The following ADAMTSL1 variants were observed in gnomAD, a reference collection of about 807,000 sequenced individuals.
ADAMTSL1 encodes ADAMTS-like protein 1.
In ADAMTSL1, 126 loss-of-function variants were observed where a neutral mutation model predicts 201.8. That is an observed-to-expected ratio of 0.62 (90% confidence interval 0.54 to 0.72). The LOEUF (loss-of-function observed/expected upper bound fraction) is 0.72. Ranked by LOEUF, ADAMTSL1 falls within the 30% of genes least tolerant of loss-of-function variation. The probability of loss-of-function intolerance (pLI) is 0.00; values close to 1 mark genes in which losing one functional copy is unlikely to be tolerated. For missense variants in ADAMTSL1, 2,679 were observed against 2,277.8 expected (o/e 1.18, Z -3.59); for synonymous variants, 1,121 against 903.4 (o/e 1.24, Z -4.32).
At chr9:18,013,611 C>T (rs185607204) in intron 1 of ADAMTSL1, among the ~76,000 whole-genome samples, 10 of 152,148 alleles carry the variant, frequency 6.6e-5, no homozygotes, top group Non-Finnish European at 1.5e-4. Context: ...TGTAGTTTTT[C>T]TGTTTCTGGT....
In ADAMTSL1 at chr9:18,639,552, T is replaced by A. The variant is rs535373921; in HGVS notation, c.834+141T>A. On this transcript the variant is annotated intron_variant, in intron 7 of 28. Coordinates refer to ENST00000380548, the MANE Select transcript of ADAMTSL1 (RefSeq NM_001040272.6). ...ACCCAGGAAATGTTTAATCTGAGGG[T>A]GTTGAGCTAGCTGCATCCTGGACCT... The A allele has an allele frequency of 4.6e-5, 44 of 952,196 alleles. No homozygotes were observed. The East Asian group carries it at 1.2e-3, about 25-fold the overall frequency. 59.0% of individuals were successfully genotyped at this position (952,196 alleles called of 1,614,324 possible).
chr9:18,647,345 G>A (rs1397991845), intron 7 of ADAMTSL1, among the ~76,000 whole-genome samples: 1 of 140,880 alleles, frequency 7.1e-6, no homozygotes, highest in Non-Finnish European at 1.5e-5. Flanking sequence ...CCAGCTCCTG[G>A]ATTCATTAAT....
intron 2 of ADAMTSL1, among the ~76,000 whole-genome samples, chr9:18,449,573 T>A (rs962277388): frequency 1.1e-4 from 16 of 152,212 alleles, no homozygotes; most frequent in Admixed American, 3.9e-4. Context: ...AATGATATTA[T>A]CACATCCTGT....
At chr9:17,981,852 G>T (rs1317155350) in intron 1 of ADAMTSL1, among the ~76,000 whole-genome samples, 3 of 152,126 alleles carry the variant, frequency 2.0e-5, no homozygotes, top group African/African-American at 7.2e-5. Context: ...TGCTTAGTTT[G>T]GGGTTGCCCT....
chr9:18,350,470 G>A lies in ADAMTSL1; in HGVS notation c.208-154359G>A, dbSNP rs1835918415. 2.0e-5 allele frequency among the ~76,000 whole-genome samples: 3 copies of A among 152,050 alleles called. 1 individual carries two copies. The highest frequency in any genetic ancestry group is 4.8e-5 in the African/African-American group (2 of 41,402). ...CCCCAAGTTTGAGATAATTGTGAAG[G>A]TGAATTGGCTGCATATTGAGAAGGG... On this transcript the variant is annotated intron_variant, in intron 2 of 29. Coordinates refer to the ADAMTSL1 transcript ENST00000680146.
intron 23 of ADAMTSL1, among the ~76,000 whole-genome samples, chr9:18,842,439 A>T (rs1311222266): frequency 6.6e-6 from 1 of 152,080 alleles, no homozygotes; most frequent in Non-Finnish European, 1.5e-5. Context: ...ACATTTGCTG[A>T]GGAGAGCTTT....
At chr9:18,643,233 G>A (rs12380512) in intron 7 of ADAMTSL1, among the ~76,000 whole-genome samples, 31,278 of 151,930 alleles carry the variant, frequency 0.21, 3,403 homozygotes, top group Non-Finnish European at 0.24. Context: ...CTTGAGAAAA[G>A]TCTATTCAGA....
chr9:18,660,578 G>A (rs558109303), intron 8 of ADAMTSL1, among the ~76,000 whole-genome samples: 1 of 152,204 alleles, frequency 6.6e-6, no homozygotes, highest in East Asian at 1.9e-4. Context: ...GATAAATTCT[G>A]TCCCTGTGTA....
At chr9:18,756,118 T>TATATATATATATATATATAC (rs1819745985) in intron 16 of ADAMTSL1, among the ~76,000 whole-genome samples, 6 of 74,816 alleles carry the variant, frequency 8.0e-5, no homozygotes, top group African/African-American at 2.2e-4. Flanking sequence ...TATATATATA[T>TATATATATATATATATATAC]ATATACAAAA....
chr9:18,032,806 G>T (rs950531910), intron 1 of ADAMTSL1, among the ~76,000 whole-genome samples: 1 of 152,168 alleles, frequency 6.6e-6, no homozygotes, highest in Admixed American at 6.5e-5. Flanking sequence ...TGGTGGAACT[G>T]TGGGTTTTTT....
At position 18,533,230 on chromosome 9, in the gene ADAMTSL1, T is replaced by C. The variant is rs1819550592; in HGVS notation, c.192-17T>C. ...TTTCATAAGTAGTAATATTTCTTTT[T>C]TCTTTTTGCAACTTAGGAGCTGTGA... is the stretch of plus-strand genomic sequence containing the variant. On this transcript the variant is annotated splice_polypyrimidine_tract_variant and intron_variant, in intron 2 of 28. Transcript: ENST00000380548. The C allele has an allele frequency of 1.9e-6, 3 of 1,602,270 alleles. No homozygotes were observed. The highest frequency in any genetic ancestry group is 2.6e-6 in the Non-Finnish European group (3 of 1,175,326).
chr9:17,981,854 G>C (rs777996383), intron 1 of ADAMTSL1, among the ~76,000 whole-genome samples: 1 of 152,022 alleles, frequency 6.6e-6, no homozygotes, highest in African/African-American at 2.4e-5. Flanking sequence ...CTTAGTTTGG[G>C]GTTGCCCTTG....
chr9:17,937,446 A>T (rs924860492), intron 1 of ADAMTSL1, among the ~76,000 whole-genome samples: 3 of 152,086 alleles, frequency 2.0e-5, no homozygotes, highest in Admixed American at 2.0e-4. Context: ...CTAGACTTAG[A>T]TCCCTGAAGG....
intron 1 of ADAMTSL1, among the ~76,000 whole-genome samples, chr9:17,958,000 G>A (rs796393161): frequency 1.3e-5 from 2 of 152,260 alleles, no homozygotes; most frequent in African/African-American, 4.8e-5. Flanking sequence ...TGTGGTAATT[G>A]TGACAGTCAT....
chr9:17,913,402 G>T (rs1196588511), intron 1 of ADAMTSL1, among the ~76,000 whole-genome samples: 1 of 152,094 alleles, frequency 6.6e-6, no homozygotes, highest in Non-Finnish European at 1.5e-5. Flanking sequence ...TCCTTGAAGA[G>T]GTCCTTCACA....
chr9:18,146,465 T>A (rs1335226002), intron 1 of ADAMTSL1, among the ~76,000 whole-genome samples: 1 of 152,148 alleles, frequency 6.6e-6, no homozygotes, highest in Non-Finnish European at 1.5e-5. Context: ...GAAGCTAGCC[T>A]GAAAAAGCTA....
At chr9:18,349,307 T>G (rs1217278277) in intron 2 of ADAMTSL1, among the ~76,000 whole-genome samples, 1 of 152,214 alleles carries the variant, frequency 6.6e-6, no homozygotes, top group African/African-American at 2.4e-5. Flanking sequence ...AGCCACATGT[T>G]GGTCATCACA....
intron 2 of ADAMTSL1, among the ~76,000 whole-genome samples, chr9:18,341,380 C>A (rs1020015776): frequency 1.3e-5 from 2 of 152,140 alleles, no homozygotes; most frequent in African/African-American, 2.4e-5. Flanking sequence ...CCTTTATCTT[C>A]CTAACTTGCA....
chr9:18,064,027 C>T (rs1822583585), intron 1 of ADAMTSL1, among the ~76,000 whole-genome samples: 1 of 152,110 alleles, frequency 6.6e-6, no homozygotes, highest in African/African-American at 2.4e-5. Flanking sequence ...TTTTATGAAT[C>T]CCCTCTCTTT....
Sources: gnomAD v4.1 joint callset for allele counts (sites outside exome capture counted in the v4.1 genomes callset) on GRCh38, gnomAD v4.1.1 for gene constraint, MANE v1.5 for transcripts, NCBI Gene and HGNC (gene_info 2026-07-23, HGNC 2026-07-21) for gene names.